The following COL6A6 variants were observed in gnomAD, a reference collection of about 807,000 sequenced individuals.
COL6A6 encodes the protein collagen type VI alpha 6 chain.
COL6A6 carries 183 observed loss-of-function variants against 208.6 expected under a neutral mutation model. That is an observed-to-expected ratio of 0.88 (90% CI 0.78 to 0.99). The LOEUF (loss-of-function observed/expected upper bound fraction) is 0.99. Among genes scored for constraint, COL6A6 ranks in the 50% least tolerant of loss-of-function variants. COL6A6 has a pLI of 0.00. For synonymous variants in COL6A6, 973 were observed against 1,011.8 expected, an observed-to-expected ratio of 0.96 and a Z score of 0.73; for missense variants, 2,816 against 2,815.2, an observed-to-expected ratio of 1.00 and a Z score of -0.01.
Position 130,566,735 on chromosome 3 carries a change from T to G in COL6A6, c.1316T>G (p.Leu439Arg), listed in dbSNP as rs1416179987. ...GACACTGAGGAAGCAGACATCTATC[T>G]GCTTATCGATGGCTCAGGGAGCACC... ...CVDTEEADIYLLIDGSGSTQA... is the reference protein window; with the variant it reads ...CVDTEEADIYRLIDGSGSTQA... Residue 439 changes from leucine to arginine, a missense_variant, in exon 5 of 37, where the codon CTG (leucine) becomes CGG (arginine). Leu to Arg is a moderately radical substitution (Grantham distance 102). Transcript: ENST00000358511. 6.2e-7 allele frequency: 1 copy of G among 1,612,796 alleles called. No homozygotes were observed. Among genetic ancestry groups the G allele is most frequent in the Admixed American group, 1.7e-5 (1 of 59,870 alleles).
intron 36 of COL6A6, among the ~76,000 whole-genome samples, chr3:130,667,799 G>A (rs1255043556): frequency 6.6e-6 from 1 of 151,926 alleles, no homozygotes; most frequent in Non-Finnish European, 1.5e-5. Flanking sequence ...TAATAATAAT[G>A]TAAGTCACAG....
At chr3:130,595,263 C>T (rs1271274903) in intron 18 of COL6A6, among the ~76,000 whole-genome samples, 3 of 152,002 alleles carry the variant, frequency 2.0e-5, no homozygotes, top group African/African-American at 7.2e-5. Context: ...TTTTCATCAC[C>T]ATACCCACAC....
At chr3:130,547,018 TG>T (rs1006999571) in intron 1 of COL6A6, among the ~76,000 whole-genome samples, 2 of 152,248 alleles carry the variant, frequency 1.3e-5, no homozygotes, top group African/African-American at 4.8e-5. Flanking sequence ...GGATCCTGCA[TG>T]GGGGCAGCAG....
In COL6A6 at chr3:130,563,268, C is replaced by A. The variant is rs201577074; in HGVS notation, c.265C>A (p.Pro89Thr). 2.3e-4 allele frequency: 373 copies of A among 1,614,002 alleles called. No homozygotes were observed. The Middle Eastern group carries it at 2.6e-3, about 11-fold the overall frequency. ...CCTGAGCACCTTCAAAGGCAGGAGCCCCATGCTGAACCACCTAAGGAAGAA... is the reference window on the plus strand; with the variant it reads ...CCTGAGCACCTTCAAAGGCAGGAGCACCATGCTGAACCACCTAAGGAAGAA... ...FHLSTFKGRS[P>T]MLNHLRKNFG... Residue 89 changes from proline to threonine, a missense_variant, in exon 3 of 37, where the codon CCC (proline) becomes ACC (threonine). Pro to Thr is a conservative substitution (Grantham distance 38). Coordinates refer to ENST00000358511, the MANE Select transcript of COL6A6 (RefSeq NM_001102608.3).
chr3:130,563,766 G>T, intron 3 of COL6A6, 102 bp downstream of exon 3: 1 of 783,070 alleles, frequency 1.3e-6, no homozygotes, highest in East Asian at 2.6e-5. Flanking sequence ...CCCCAAAATG[G>T]GCTGCATTTT....
In COL6A6 at chr3:130,608,899, C is replaced by A; in HGVS notation, c.4690-3C>A. The A allele has an allele frequency of 1.2e-6, 2 of 1,608,174 alleles. No individual in the cohort carries two copies. Among genetic ancestry groups the A allele is most frequent in the South Asian group, 2.2e-5 (2 of 90,900 alleles). On this transcript the variant is annotated splice_region_variant and splice_polypyrimidine_tract_variant and intron_variant, in intron 21 of 36. Transcript: ENST00000358511. ...TTAACAGATTGATTCTTTCTCGCCA[C>A]AGGGAACAGCAGGCATCCCAGGACC... is the stretch of plus-strand genomic sequence containing the variant.
chr3:130,562,740 A>G (rs1261518008), intron 2 of COL6A6, among the ~76,000 whole-genome samples: 2 of 151,936 alleles, frequency 1.3e-5, no homozygotes, highest in Admixed American at 1.3e-4. Flanking sequence ...AAGGTATAAA[A>G]CCCATGATTT....
At chr3:130,529,537 T>C (rs1361800330) in intron 1 of COL6A6, among the ~76,000 whole-genome samples, 3 of 152,212 alleles carry the variant, frequency 2.0e-5, no homozygotes, top group Non-Finnish European at 4.4e-5. Context: ...TAAGCTCTTC[T>C]GTCCCCTCTG....
intron 34 of COL6A6, among the ~76,000 whole-genome samples, chr3:130,661,001 T>A (rs948183859): frequency 6.6e-6 from 1 of 152,202 alleles, no homozygotes; most frequent in Admixed American, 6.5e-5. Context: ...TATGCATTCT[T>A]TTATTAAATG....
intron 33 of COL6A6, among the ~76,000 whole-genome samples, chr3:130,657,291 C>G (rs193182334): frequency 1.4e-3 from 207 of 152,376 alleles, no homozygotes; most frequent in Middle Eastern, 3.4e-3. Context: ...GTGGGACAAG[C>G]CTAGTGGGCC....
intron 11 of COL6A6, 72 bp from the exon 12 acceptor site, chr3:130,589,018 A>G: frequency 1.8e-6 from 2 of 1,135,018 alleles, no homozygotes; most frequent in Non-Finnish European, 1.3e-6. Flanking sequence ...TCTGGATCGC[A>G]TGGTTGAACT....
intron 33 of COL6A6, among the ~76,000 whole-genome samples, chr3:130,655,898 G>C (rs1041670609): frequency 1.3e-5 from 2 of 152,194 alleles, no homozygotes; most frequent in African/African-American, 4.8e-5. Flanking sequence ...CCTGCCAAGG[G>C]CAAGCCAGGC....
Position 130,674,099 on chromosome 3 carries a change from T to C in COL6A6, c.6597-1103T>C, listed in dbSNP as rs76422687. On this transcript the variant is annotated intron_variant, in intron 36 of 36. Transcript: ENST00000358511. ...TGCCCAAAGCTGCTCGGCTAGGGGC[T>C]AGAATATTAAAATGTGAAGAATGTG... Among the ~76,000 whole-genome samples, 1,225 of 152,290 alleles carry C rather than the reference T, an allele frequency of 8.0e-3. 16 individuals are homozygous for C. Among genetic ancestry groups the C allele is most frequent in the African/African-American group, 0.028 (1,156 of 41,536 alleles).
chr3:130,601,723 G>A (rs1358083532), intron 20 of COL6A6, among the ~76,000 whole-genome samples: 2 of 152,188 alleles, frequency 1.3e-5, no homozygotes, highest in Non-Finnish European at 2.9e-5. Context: ...AGTTGAAATG[G>A]CAGAGTAAAG....
At chr3:130,611,177 T>A (rs1167073594) in intron 23 of COL6A6, among the ~76,000 whole-genome samples, 1 of 151,902 alleles carries the variant, frequency 6.6e-6, no homozygotes, top group Non-Finnish European at 1.5e-5. Flanking sequence ...CCCTAGGAGA[T>A]CTTAATATAG....
At position 130,590,814 on chromosome 3, in the gene COL6A6, G is replaced by T. The variant is rs57041045; in HGVS notation, c.4219-227G>T. Among the ~76,000 whole-genome samples the T allele has an allele frequency of 6.7e-4, 102 of 152,144 alleles. 1 individual carries two copies. Among genetic ancestry groups the T allele is most frequent in the African/African-American group, 2.2e-3 (92 of 41,514 alleles). On this transcript the variant is annotated intron_variant, in intron 12 of 36. Coordinates refer to ENST00000358511, the MANE Select transcript of COL6A6 (RefSeq NM_001102608.3). Reference sequence around the variant, plus strand: ...GATCTCCTGGCCTCTTGATCCGCCCGCCTGGGCCTCCCAAAGTGCTGGAAT... The same window carrying T: ...GATCTCCTGGCCTCTTGATCCGCCCTCCTGGGCCTCCCAAAGTGCTGGAAT...
chr3:130,634,241 A>AT (rs1491184652), intron 26 of COL6A6, among the ~76,000 whole-genome samples: 2 of 135,568 alleles, frequency 1.5e-5, no homozygotes, highest in Non-Finnish European at 3.2e-5. Flanking sequence ...AAATAAATAA[A>AT]TAAAAAAAAA....
chr3:130,543,216 A>G (rs918885030), intron 1 of COL6A6, among the ~76,000 whole-genome samples: 1 of 152,042 alleles, frequency 6.6e-6, no homozygotes, highest in African/African-American at 2.4e-5. Context: ...TTCACTCTTA[A>G]TCTATATCTG....
intron 26 of COL6A6, among the ~76,000 whole-genome samples, chr3:130,634,367 C>T (rs2065047274): frequency 6.6e-6 from 1 of 151,966 alleles, no homozygotes. Context: ...TACTTTTAGC[C>T]ACCTAGGTAG....
Sources: allele counts gnomAD v4.1 joint callset (sites outside exome capture counted in the v4.1 genomes callset), GRCh38; gene constraint gnomAD v4.1.1; transcripts MANE v1.5; gene names NCBI Gene and HGNC (gene_info 2026-07-23, HGNC 2026-07-21).